AKAP13: variants seen among roughly 807,000 people sequenced by gnomAD.
AKAP13 encodes A-kinase anchoring protein 13.
AKAP13 carries 80 observed loss-of-function variants against 264.5 expected under a neutral mutation model. That is an observed-to-expected ratio of 0.30 (90% confidence interval 0.25 to 0.36). AKAP13 has a LOEUF of 0.36. Among genes scored for constraint, AKAP13 ranks in the 10% least tolerant of loss-of-function variants. The pLI is 1.00. For synonymous variants in AKAP13, 1,380 were observed against 1,250.2 expected (o/e 1.10, Z -2.19); for missense variants, 3,712 against 3,435.2 (o/e 1.08, Z -2.01).
In AKAP13 at chr15:85,580,701, C is replaced by A; in HGVS notation, c.2633C>A (p.Pro878Gln). The A allele has an allele frequency of 6.8e-6, 11 of 1,614,166 alleles. No individual in the cohort carries two copies. The highest frequency in any genetic ancestry group is 9.3e-6 in the Non-Finnish European group (11 of 1,180,028). ...LGGEHEGPAP[P>Q]AIPEALNIKG... is the part of the protein sequence containing the mutation. ...GGAGAGCATGAGGGTCCCGCCCCTC[C>A]AGCAATCCCAGAAGCTCTGAATATC... Residue 878 changes from proline (P) to glutamine (Q), a missense_variant, in exon 7 of 37, where the codon CCA (proline) becomes CAA (glutamine). Coordinates refer to ENST00000394518, the MANE Select transcript of AKAP13 (RefSeq NM_007200.5).
intron 17 of AKAP13, among the ~76,000 whole-genome samples, chr15:85,706,342 A>C (rs767884391): frequency 1.3e-5 from 2 of 152,202 alleles, no homozygotes; most frequent in African/African-American, 2.4e-5. Context: ...ACTAGAAAAT[A>C]AATAAAGCCG....
chr15:85,483,642 A>AAAAAAAAAC (rs1555434092), intron 1 of AKAP13, among the ~76,000 whole-genome samples: 1 of 145,308 alleles, frequency 6.9e-6, no homozygotes, highest in Non-Finnish European at 1.5e-5. Context: ...CAAAAAAAAA[A>AAAAAAAAAC]AAAAAAAAAC....
rs993282733 is a variant in AKAP13, at chr15:85,491,018, G to T, written c.33+5265G>T. ...GTTCTAGCCCAAGGGAACAAATGCA[G>T]AAACTCTAAAATGAGAAGTAGTAAC... On this transcript the variant is annotated intron_variant, in intron 2 of 36. Transcript: ENST00000394518. 2.8e-4 allele frequency among the ~76,000 whole-genome samples: 43 copies of T among 152,180 alleles called. 1 individual carries two copies. The highest frequency in any genetic ancestry group is 3.9e-4 in the Admixed American group (6 of 15,276).
At chr15:85,491,927 A>C (rs2151072448) in intron 2 of AKAP13, among the ~76,000 whole-genome samples, 1 of 152,312 alleles carries the variant, frequency 6.6e-6, no homozygotes, top group African/African-American at 2.4e-5. Flanking sequence ...AGAGCAGAGA[A>C]AGCTGCATCG....
chr15:85,520,709 T>C (rs573535110), intron 2 of AKAP13: 5 of 518,970 alleles, frequency 9.6e-6, no homozygotes, highest in African/African-American at 9.6e-5. Context: ...AGGTTAAAAA[T>C]ATTATAGACC....
At chr15:85,502,103 G>C (rs946204487) in intron 2 of AKAP13, among the ~76,000 whole-genome samples, 1 of 152,178 alleles carries the variant, frequency 6.6e-6, no homozygotes, top group Non-Finnish European at 1.5e-5. Flanking sequence ...GATTTACTAG[G>C]TTTGGGATGG....
At chr15:85,695,275 G>A (rs765369554) in intron 17 of AKAP13, among the ~76,000 whole-genome samples, 2 of 152,112 alleles carry the variant, frequency 1.3e-5, no homozygotes, top group Non-Finnish European at 2.9e-5. Context: ...TTTGTGACAC[G>A]TGCCTGTAAC....
At chr15:85,629,315 C>T (rs1397428829) in intron 8 of AKAP13, among the ~76,000 whole-genome samples, 1 of 152,054 alleles carries the variant, frequency 6.6e-6, no homozygotes, top group Admixed American at 6.6e-5. Flanking sequence ...AACCTTGGGT[C>T]CTCTGTTTTG....
intron 5 of AKAP13, among the ~76,000 whole-genome samples, chr15:85,559,005 T>C (rs1300113974): frequency 4.6e-5 from 7 of 152,108 alleles, no homozygotes; most frequent in African/African-American, 1.7e-4. Context: ...GACTTTTTTT[T>C]CTGTCATCGG....
chr15:85,634,763 T>G (rs1276169340), intron 8 of AKAP13, among the ~76,000 whole-genome samples: 3 of 152,108 alleles, frequency 2.0e-5, no homozygotes, highest in South Asian at 2.1e-4. Flanking sequence ...TCACTAATGT[T>G]TTCTTGCTAC....
intron 2 of AKAP13, among the ~76,000 whole-genome samples, chr15:85,511,138 C>A (rs763136173): frequency 6.6e-6 from 1 of 152,186 alleles, no homozygotes; most frequent in Non-Finnish European, 1.5e-5. Flanking sequence ...AAAAGTCATT[C>A]CTTTTAATGC....
At chr15:85,461,109 A>AATTTAATTTT (rs2074493286) in intron 1 of AKAP13, among the ~76,000 whole-genome samples, 1 of 150,674 alleles carries the variant, frequency 6.6e-6, no homozygotes, top group African/African-American at 2.5e-5. Flanking sequence ...AGGACTGTAT[A>AATTTAATTTT]ATTTTATTTT....
intron 5 of AKAP13, among the ~76,000 whole-genome samples, chr15:85,570,943 T>C (rs2078796899): frequency 6.6e-6 from 1 of 151,470 alleles, no homozygotes; most frequent in South Asian, 2.1e-4. Flanking sequence ...GGTGGGGAAA[T>C]GCATTGTTGT....
chr15:85,425,703 G>A, intron 1 of AKAP13, among the ~76,000 whole-genome samples: 1 of 141,218 alleles, frequency 7.1e-6, no homozygotes. Flanking sequence ...GCGACAGAGT[G>A]AGACTCTGTC....
chr15:85,633,540 T>TC (rs1596813183), intron 8 of AKAP13, among the ~76,000 whole-genome samples: 4 of 72,200 alleles, frequency 5.5e-5, no homozygotes, highest in Non-Finnish European at 9.0e-5. Context: ...TTTTTCTTTT[T>TC]TTTTTTTTTT....
chr15:85,722,278 A>C lies in AKAP13; in HGVS notation c.6427A>C (p.Ile2143Leu), dbSNP rs565146846. The change falls in exon 25 of 37, where the codon ATA (isoleucine) becomes CTA (leucine). Residue 2143 changes from isoleucine (I) to leucine (L), a missense_variant. Physicochemically the swap from Ile to Leu is conservative, Grantham distance 5 (BLOSUM62 2). This residue lies in a region of AKAP13 where 342 missense variants were observed against 484.3 expected (regional missense o/e 0.71). Coordinates refer to ENST00000394518, the MANE Select transcript of AKAP13 (RefSeq NM_007200.5). ...TAGAAGGCTTGGAATTCCAGAGTGCATATTGCTTGTAACTCAGCGGATTAC... is the reference window on the plus strand; with the variant it reads ...TAGAAGGCTTGGAATTCCAGAGTGCCTATTGCTTGTAACTCAGCGGATTAC... Reference protein sequence around the residue: ...VVRRLGIPECILLVTQRITKY... With the variant: ...VVRRLGIPECLLLVTQRITKY... The C allele has an allele frequency of 9.0e-4, 1,445 of 1,613,928 alleles. 23 individuals are homozygous for C. The South Asian group carries it at 0.015, about 17-fold the overall frequency.
intron 33 of AKAP13, among the ~76,000 whole-genome samples, chr15:85,737,022 G>C (rs1000280914): frequency 2.7e-5 from 4 of 147,394 alleles, no homozygotes; most frequent in African/African-American, 1.0e-4. Flanking sequence ...GGATTCAAGC[G>C]ATTCCCCTGC....
intron 1 of AKAP13, among the ~76,000 whole-genome samples, chr15:85,443,258 T>G (rs1291121403): frequency 6.6e-6 from 1 of 152,196 alleles, no homozygotes; most frequent in Non-Finnish European, 1.5e-5. Flanking sequence ...TTCTGTATTG[T>G]GCTTTCAACT....
intron 1 of AKAP13, among the ~76,000 whole-genome samples, chr15:85,445,543 T>C (rs1295394691): frequency 1.3e-5 from 2 of 152,252 alleles, no homozygotes; most frequent in East Asian, 3.8e-4. Flanking sequence ...TGTCATATTA[T>C]GGAAGTAGTT....
Sources: gnomAD v4.1 joint callset for allele counts (sites outside exome capture counted in the v4.1 genomes callset) on GRCh38, gnomAD v4.1.1 for gene constraint, gnomAD v4.1.1 regional missense constraint, MANE v1.5 for transcripts, NCBI Gene and HGNC (gene_info 2026-07-23, HGNC 2026-07-21) for gene names.